ARHGEF28: variants seen among roughly 807,000 people sequenced by gnomAD.
ARHGEF28 encodes 190 kDa guanine nucleotide exchange factor.
ARHGEF28 carries 152 observed loss-of-function variants against 206.6 expected under a neutral mutation model. The ratio of observed to expected loss-of-function variants is 0.74; its 90% CI spans 0.64 to 0.84. The LOEUF is 0.84. ARHGEF28 is among the 40% of genes least tolerant of loss of function. ARHGEF28 has a pLI of 0.00. For missense variants in ARHGEF28, 2,028 were observed against 2,073.2 expected, an observed-to-expected ratio of 0.98 and a Z score of 0.42; for synonymous variants, 763 against 776.4, an observed-to-expected ratio of 0.98 and a Z score of 0.29.
chr5:73,875,285 ATTTG>A (rs1206590427), intron 22 of ARHGEF28, among the ~76,000 whole-genome samples: 2 of 150,538 alleles, frequency 1.3e-5, no homozygotes, highest in Admixed American at 1.3e-4. Flanking sequence ...TTTCTTGTAA[ATTTG>A]TTTGAGTTCA....
intron 1 of ARHGEF28, among the ~76,000 whole-genome samples, chr5:73,628,647 G>T (rs972756401): frequency 1.3e-5 from 2 of 152,222 alleles, no homozygotes; most frequent in African/African-American, 4.8e-5. Flanking sequence ...TTATGAAGAG[G>T]TGGGTCAACC....
intron 18 of ARHGEF28, among the ~76,000 whole-genome samples, chr5:73,866,491 G>A (rs1344582264): frequency 6.6e-6 from 1 of 152,160 alleles, no homozygotes; most frequent in Non-Finnish European, 1.5e-5. Context: ...CAAATTTGGA[G>A]TCTGTAGATT....
chr5:73,762,455 C>CAAAAAAAAAAAAAAA (rs35028103), intron 4 of ARHGEF28, among the ~76,000 whole-genome samples: 2 of 66,850 alleles, frequency 3.0e-5, no homozygotes, highest in South Asian at 6.4e-4. Flanking sequence ...GACTCCCTCT[C>CAAAAAAAAAAAAAAA]AAAAAAAAAA....
intron 1 of ARHGEF28, among the ~76,000 whole-genome samples, chr5:73,633,367 G>T (rs1454778324): frequency 6.6e-6 from 1 of 152,218 alleles, no homozygotes; most frequent in Non-Finnish European, 1.5e-5. Flanking sequence ...TCATGGTTAA[G>T]ATTAGCAGCT....
At chr5:73,855,596 G>A (rs1350946952) in intron 14 of ARHGEF28, among the ~76,000 whole-genome samples, 1 of 152,078 alleles carries the variant, frequency 6.6e-6, no homozygotes, top group East Asian at 1.9e-4. Context: ...GCTGGGCCTG[G>A]TGGTGGGCGC....
At chr5:73,714,378 G>A (rs1334899915) in intron 2 of ARHGEF28, among the ~76,000 whole-genome samples, 1 of 152,186 alleles carries the variant, frequency 6.6e-6, no homozygotes, top group Non-Finnish European at 1.5e-5. Context: ...TTGAAGGTGT[G>A]AAGAAAAATA....
chr5:73,867,052 T>C (rs992950011), intron 18 of ARHGEF28, among the ~76,000 whole-genome samples: 1 of 152,184 alleles, frequency 6.6e-6, no homozygotes, highest in Non-Finnish European at 1.5e-5. Flanking sequence ...ATGATGTCAG[T>C]TATAAGGGGC....
chr5:73,807,040 T>C (rs1209097426), intron 9 of ARHGEF28, among the ~76,000 whole-genome samples: 1 of 149,754 alleles, frequency 6.7e-6, no homozygotes, highest in Non-Finnish European at 1.5e-5. Context: ...TAAGAGGTTT[T>C]TTTTTTTTTT....
intron 35 of ARHGEF28, among the ~76,000 whole-genome samples, chr5:73,913,184 A>G (rs1461024497): frequency 6.6e-6 from 1 of 152,240 alleles, no homozygotes; most frequent in Non-Finnish European, 1.5e-5. Flanking sequence ...TTGTATGTCC[A>G]GAGTAGGCCA....
chr5:73,678,715 G>T (rs970109617), intron 1 of ARHGEF28, among the ~76,000 whole-genome samples: 3 of 151,872 alleles, frequency 2.0e-5, no homozygotes, highest in Non-Finnish European at 4.4e-5. Flanking sequence ...GAAAAATACT[G>T]TGAAAAATAC....
chr5:73,858,033 G>A (rs1222231326), intron 15 of ARHGEF28, 54 bp from the exon 16 acceptor site: 56 of 1,552,080 alleles, frequency 3.6e-5, no homozygotes, highest in Non-Finnish European at 4.1e-5. Flanking sequence ...GGCTCACAGC[G>A]TTTTCCTTTT....
chr5:73,657,741 G>C (rs1745309600), intron 1 of ARHGEF28, among the ~76,000 whole-genome samples: 1 of 152,150 alleles, frequency 6.6e-6, no homozygotes, highest in Non-Finnish European at 1.5e-5. Flanking sequence ...CTTAGGCTGA[G>C]ACCAGAAACA....
intron 7 of ARHGEF28, among the ~76,000 whole-genome samples, 185 bp downstream of exon 7, chr5:73,780,930 T>C (rs192245340): frequency 9.9e-5 from 15 of 152,258 alleles, no homozygotes; most frequent in African/African-American, 3.6e-4. Context: ...TACTGTTTGT[T>C]TCCACTCTCC....
intron 31 of ARHGEF28, chr5:73,903,248 C>G (rs999972950): frequency 1.3e-5 from 2 of 152,092 alleles, no homozygotes; most frequent in African/African-American, 2.4e-5. Context: ...GACAGTAGGC[C>G]CTTGAGGACA....
intron 2 of ARHGEF28, among the ~76,000 whole-genome samples, chr5:73,685,835 A>G: frequency 6.6e-6 from 1 of 152,028 alleles, no homozygotes. Flanking sequence ...GTTGGCCAAG[A>G]TGGTCTTGAT....
At chr5:73,741,719 T>C (rs1751447125) in intron 2 of ARHGEF28, among the ~76,000 whole-genome samples, 1 of 151,970 alleles carries the variant, frequency 6.6e-6, no homozygotes. Context: ...GCACCTGGCC[T>C]GTGTGTTTAT....
chr5:73,766,558 A>AG, intron 4 of ARHGEF28, among the ~76,000 whole-genome samples: 1 of 152,258 alleles, frequency 6.6e-6, no homozygotes, highest in Non-Finnish European at 1.5e-5. Context: ...AATTTAAATT[A>AG]GCAGATCCCA....
intron 28 of ARHGEF28, 160 bp downstream of exon 28, chr5:73,893,448 A>G (rs766418327): frequency 2.0e-5 from 9 of 455,882 alleles, no homozygotes; most frequent in African/African-American, 6.0e-5. Context: ...GAAATGCTCA[A>G]ATAAGATGAC....
In ARHGEF28 at chr5:73,746,578, A is replaced by C. The variant is rs73762199; in HGVS notation, c.34-3259A>C. Among the ~76,000 whole-genome samples, 1,073 of 152,222 alleles carry C rather than the reference A, an allele frequency of 7.0e-3. 14 individuals are homozygous for C. The highest frequency in any genetic ancestry group is 0.024 in the African/African-American group (996 of 41,544). On this transcript the variant is annotated intron_variant, in intron 2 of 35. Coordinates refer to ENST00000513042, the MANE Select transcript of ARHGEF28 (RefSeq NM_001177693.2). ...TGCTATTATTTATTCAATAATGAAA[A>C]CTTTTAAACAGTCTTCTAATTTTAT...
Sources: allele counts gnomAD v4.1 joint callset (sites outside exome capture counted in the v4.1 genomes callset), GRCh38; gene constraint gnomAD v4.1.1; transcripts MANE v1.5; gene names NCBI Gene and HGNC (gene_info 2026-07-23, HGNC 2026-07-21).